Variants in LY75 observed in about 807,000 individuals in gnomAD.
LY75 encodes lymphocyte antigen 75.
A neutral mutation model predicts 231.7 loss-of-function variants in LY75; 185 were observed. The observed-to-expected ratio is 0.80, with a 90% CI of 0.71 to 0.90. LY75 has a LOEUF of 0.90. Among genes scored for constraint, LY75 ranks in the 40% least tolerant of loss-of-function variants. The pLI, the probability that LY75 is intolerant of heterozygous loss-of-function variation, is 0.00. For synonymous variants in LY75, 668 were observed against 689.0 expected (o/e 0.97, Z 0.48); for missense variants, 1,947 against 2,050.2 (o/e 0.95, Z 0.97).
At position 159,853,538 on chromosome 2, in the gene LY75, C is replaced by A; in HGVS notation, c.2663+92G>T. ...TTTAGGCAGTTTATGGATTAATATT[C>A]AAACTACTTATAAATAGAAATCCAT... On this transcript the variant is annotated intron_variant, in intron 19 of 34. Transcript: ENST00000263636. 1.0e-5 allele frequency: 16 copies of A among 1,574,546 alleles called. No individual in the cohort carries two copies. In the South Asian group the frequency reaches 1.7e-4, roughly 17 times the overall value.
At chr2:159,806,070 G>C (rs564935486) in intron 34 of LY75, among the ~76,000 whole-genome samples, 1 of 152,112 alleles carries the variant, frequency 6.6e-6, no homozygotes, top group Non-Finnish European at 1.5e-5. Flanking sequence ...TCTTAGCTTC[G>C]GTGTCTCCTG....
chr2:159,834,091 T>C lies in LY75; in HGVS notation c.3794A>G (p.His1265Arg), dbSNP rs1683747657. ...AACTTCATCCTGTGTTGTTGCCATA[T>C]GCCTATTCTTTGTTATTATGAAATT... ...CYNFIITKNRHMATTQDEVHT... is the reference protein window; with the variant it reads ...CYNFIITKNRRMATTQDEVHT... The change falls in exon 27 of 35, where the codon CAT becomes CGT. Residue 1265 changes from histidine (H) to arginine (R), a missense_variant. Transcript: ENST00000263636. 2 of 1,613,918 alleles carry C rather than the reference T, an allele frequency of 1.2e-6. No individual in the cohort carries two copies. Among genetic ancestry groups the C allele is most frequent in the Admixed American group, 1.7e-5 (1 of 59,996 alleles).
At chr2:159,857,047 T>C (rs898085635) in intron 16 of LY75, among the ~76,000 whole-genome samples, 1 of 152,170 alleles carries the variant, frequency 6.6e-6, no homozygotes, top group South Asian at 2.1e-4. Context: ...CCGAATTAAT[T>C]ATATACAAGT....
At chr2:159,848,093 T>TAC (rs773757343) in intron 23 of LY75, among the ~76,000 whole-genome samples, 8 of 28,560 alleles carry the variant, frequency 2.8e-4, no homozygotes, top group South Asian at 8.7e-4. Flanking sequence ...TATATATATA[T>TAC]ACACACACAC....
At position 159,887,106 on chromosome 2, in the gene LY75, A is replaced by AATAT. The variant is rs149952366; in HGVS notation, c.803-580_803-577dup. ...ATAGGAGCTGTTTCATAGACAATGG[A>AATAT]ATATATATATATATTATATATAATA... On this transcript the variant is annotated intron_variant, in intron 4 of 34. Transcript: ENST00000263636. Among the ~76,000 whole-genome samples, 48 of 147,136 alleles carry AATAT rather than the reference A, an allele frequency of 3.3e-4. 2 individuals are homozygous for AATAT. In the South Asian group the frequency reaches 6.6e-3, roughly 20 times the overall value.
rs145262865 is a variant in LY75, at chr2:159,850,119, G to A, written c.3011C>T (p.Pro1004Leu). 34 of 1,610,108 alleles carry A rather than the reference G, an allele frequency of 2.1e-5. No homozygotes were observed. The highest frequency in any genetic ancestry group is 4.0e-5 in the African/African-American group (3 of 74,752). Residue 1004 changes from proline to leucine, a missense_variant, in exon 23 of 35, where the codon CCG becomes CTG. Pro to Leu is a moderately conservative substitution (Grantham distance 98). Coordinates refer to ENST00000263636, the MANE Select transcript of LY75 (RefSeq NM_002349.4). The part of the protein sequence containing the change: ...IEQDFITSLL[P>L]DMEATLWIGL... ...AATCCATAAAGTAGCTTCCATATCC[G>A]GAAGCAAGGATGTAATAAAGTCTGT...
Position 159,878,626 on chromosome 2 carries a change from G to T in LY75, c.1604+7C>A, listed in dbSNP as rs984685683. 3.1e-6 allele frequency: 5 copies of T among 1,613,992 alleles called. No individual in the cohort carries two copies. In the African/African-American group the frequency reaches 5.3e-5, roughly 17 times the overall value. ...GTTTATGAGTACAAGTTTACTGATG[G>T]TCACACCTGCTAGTGATAGTCAGAT... On this transcript the variant is annotated splice_region_variant and intron_variant, in intron 10 of 34. Coordinates refer to ENST00000263636, the MANE Select transcript of LY75 (RefSeq NM_002349.4).
rs575557216 is a variant in LY75 at position 159,880,394 on chromosome 2, C to A, written c.1404+689G>T. ...TTCTCAAAGTAGTATCGATATAAAA[C>A]AATCTGAACATGAATTTGGAAGATG... On this transcript the variant is annotated intron_variant, in intron 8 of 34. Coordinates refer to ENST00000263636, the MANE Select transcript of LY75 (RefSeq NM_002349.4). Among the ~76,000 whole-genome samples, 32 of 152,300 alleles carry A rather than the reference C, an allele frequency of 2.1e-4. 2 individuals carry two copies. The highest frequency in any genetic ancestry group is 7.2e-4 in the African/African-American group (30 of 41,564).
Position 159,824,072 on chromosome 2 carries a change from T to TGACAGGATCAAATTCACACATAAC in LY75, c.3959-4176_3959-4153dup, listed in dbSNP as rs1683386579. Among the ~76,000 whole-genome samples, 3 of 152,210 alleles carry TGACAGGATCAAATTCACACATAAC rather than the reference T, an allele frequency of 2.0e-5. 1 individual carries two copies. In the South Asian group the frequency reaches 6.2e-4, roughly 31 times the overall value. On this transcript the variant is annotated intron_variant, in intron 28 of 34. Transcript: ENST00000263636. ...GCAAAACAATCAGCTAGCATCATAA[T>TGACAGGATCAAATTCACACATAAC]GACAGGATCAAATTCACACATAACA...
chr2:159,810,711 G>C, intron 31 of LY75, 36 bp from the exon 32 acceptor site: 2 of 1,590,748 alleles, frequency 1.3e-6, no homozygotes, highest in African/African-American at 1.4e-5. Context: ...AACAATGCAT[G>C]GAAAAAAAAG....
rs767949979 is a variant in LY75 at position 159,886,340 on chromosome 2, T to C, written c.913+80A>G. 4.9e-6 allele frequency: 7 copies of C among 1,428,554 alleles called. No individual in the cohort carries two copies. In the East Asian group the frequency reaches 1.7e-4, roughly 35 times the overall value. 88.5% of individuals were successfully genotyped at this position (1,428,554 alleles called of 1,614,324 possible). On this transcript the variant is annotated intron_variant, in intron 5 of 34. Transcript: ENST00000263636. ...AAGAGCTGCCAAGATGTGAAACTTT[T>C]CTAAGCTATTGGTGAGTGAGAAGCT...
intron 6 of LY75, among the ~76,000 whole-genome samples, chr2:159,883,545 G>T (rs1420893290): frequency 1.3e-5 from 2 of 152,116 alleles, no homozygotes; most frequent in Non-Finnish European, 2.9e-5. Flanking sequence ...AAAATGATAA[G>T]TAGGCATATC....
In LY75 at chr2:159,898,734, C is replaced by T; in HGVS notation, c.420G>A (p.Trp140Ter). 1 of 1,614,176 alleles carries T rather than the reference C, an allele frequency of 6.2e-7. No homozygotes were observed. The highest frequency in any genetic ancestry group is 8.5e-7 in the Non-Finnish European group (1 of 1,179,984). Residue 140 changes from tryptophan (W) to a stop codon, truncating the protein, a stop_gained, in exon 2 of 35, where the codon TGG becomes TGA. Coordinates refer to ENST00000263636, the MANE Select transcript of LY75 (RefSeq NM_002349.4). LOFTEE classifies it high-confidence loss of function. Reference sequence around the variant, plus strand: ...GGCTTTCCTCTGAGCCTCCTTTCTTCCAGACATCAGATGCATTTGAGATTG... The same window carrying T: ...GGCTTTCCTCTGAGCCTCCTTTCTTTCAGACATCAGATGCATTTGAGATTG... Reference protein sequence around the residue: ...GTAISNASDVWKKGGSEESLC... With the variant: ...GTAISNASDV
intron 3 of LY75, among the ~76,000 whole-genome samples, chr2:159,892,366 C>T (rs973175669): frequency 6.6e-6 from 1 of 152,142 alleles, no homozygotes; most frequent in African/African-American, 2.4e-5. Context: ...GCCAGACTTC[C>T]TGGGTTTGAA....
chr2:159,820,606 C>T (rs1288320056), intron 28 of LY75, among the ~76,000 whole-genome samples: 1 of 152,070 alleles, frequency 6.6e-6, no homozygotes. Context: ...ATGGGTGCAC[C>T]AAAATCTCAG....
At chr2:159,825,313 G>T (rs538006095) in intron 28 of LY75, among the ~76,000 whole-genome samples, 1 of 152,166 alleles carries the variant, frequency 6.6e-6, no homozygotes, top group Non-Finnish European at 1.5e-5. Context: ...ACTACCATCA[G>T]AGAATACTAT....
chr2:159,836,037 G>C (rs1200913415), intron 25 of LY75, among the ~76,000 whole-genome samples: 1 of 152,126 alleles, frequency 6.6e-6, no homozygotes, highest in Non-Finnish European at 1.5e-5. Context: ...AAATCAGAAA[G>C]CTAAAATGGG....
chr2:159,855,727 G>T (rs1684529155), intron 16 of LY75, among the ~76,000 whole-genome samples: 1 of 152,150 alleles, frequency 6.6e-6, no homozygotes, highest in Non-Finnish European at 1.5e-5. Context: ...GGAGGAAGTG[G>T]CCAGCACAGG....
intron 28 of LY75, among the ~76,000 whole-genome samples, chr2:159,829,768 T>C (rs1233136177): frequency 1.3e-5 from 2 of 152,248 alleles, no homozygotes; most frequent in Non-Finnish European, 2.9e-5. Context: ...GTCCCTCATA[T>C]GCCTGTATAT....
Sources: gnomAD v4.1 joint callset for allele counts (sites outside exome capture counted in the v4.1 genomes callset) on GRCh38, gnomAD v4.1.1 for gene constraint, MANE v1.5 for transcripts, NCBI Gene and HGNC (gene_info 2026-07-23, HGNC 2026-07-21) for gene names.